Variants in HS2ST1 observed in about 807,000 individuals in gnomAD.
The protein encoded by HS2ST1 is 2-O-sulfotransferase.
Under a neutral mutation model 42.9 loss-of-function variants are expected in HS2ST1, and 18 were observed. The ratio of observed to expected loss-of-function variants is 0.42; its 90% CI spans 0.29 to 0.62. The LOEUF is 0.62. HS2ST1 is among the 20% of genes least tolerant of loss of function. The pLI, the probability that HS2ST1 is intolerant of heterozygous loss-of-function variation, is 0.21. For missense variants in HS2ST1, 334 were observed against 433.8 expected, an observed-to-expected ratio of 0.77 and a Z score of 2.04; for synonymous variants, 146 against 152.9, an observed-to-expected ratio of 0.95 and a Z score of 0.33.
intron 1 of HS2ST1, among the ~76,000 whole-genome samples, chr1:87,008,185 A>C (rs1247743992): frequency 2.6e-5 from 4 of 152,156 alleles, no homozygotes; most frequent in African/African-American, 9.7e-5. Flanking sequence ...ATTAAATCTC[A>C]AGAGAAGCAA....
intron 1 of HS2ST1, among the ~76,000 whole-genome samples, chr1:86,946,512 G>T (rs981697592): frequency 6.6e-6 from 1 of 152,200 alleles, no homozygotes; most frequent in African/African-American, 2.4e-5. Context: ...AGGCTGGCTT[G>T]CCTGAAGTAA....
intron 1 of HS2ST1, among the ~76,000 whole-genome samples, chr1:87,005,512 G>T (rs1350266883): frequency 6.6e-6 from 1 of 152,112 alleles, no homozygotes; most frequent in Non-Finnish European, 1.5e-5. Flanking sequence ...ATAAACATCA[G>T]TGATTTACAT....
At chr1:86,996,510 G>GC in intron 1 of HS2ST1, among the ~76,000 whole-genome samples, 1 of 150,820 alleles carries the variant, frequency 6.6e-6, no homozygotes, top group Admixed American at 6.6e-5. Flanking sequence ...TATTTGTGTT[G>GC]CAGGTACATG....
chr1:87,047,188 C>A (rs1004859226), intron 1 of HS2ST1, among the ~76,000 whole-genome samples: 2 of 151,954 alleles, frequency 1.3e-5, no homozygotes, highest in African/African-American at 4.8e-5. Flanking sequence ...TGTAGTTTTC[C>A]TTTTATTTTC....
intron 5 of HS2ST1, 21 bp downstream of exon 5, chr1:87,097,956 T>C (rs778612511): frequency 1.9e-6 from 3 of 1,613,748 alleles, no homozygotes; most frequent in Non-Finnish European, 1.7e-6. Context: ...TAAAGTTGGC[T>C]CAGATTGATT....
At chr1:86,915,295 A>G (rs1181135381) in intron 1 of HS2ST1, 135 bp downstream of exon 1, 5 of 990,796 alleles carry the variant, frequency 5.0e-6, no homozygotes, top group Non-Finnish European at 7.2e-6. Flanking sequence ...AACCGGGAAC[A>G]AGGGGCAGCG....
At chr1:86,915,614 A>G (rs573648501) in intron 1 of HS2ST1, among the ~76,000 whole-genome samples, 1 of 152,306 alleles carries the variant, frequency 6.6e-6, no homozygotes, top group South Asian at 2.1e-4. Context: ...TTGGGGGCTC[A>G]TGAAGGGATA....
At chr1:86,993,235 A>T (rs1266522488) in intron 1 of HS2ST1, 1 of 1,318,266 alleles carries the variant, frequency 7.6e-7, no homozygotes. Flanking sequence ...GTATGCAACC[A>T]TACTTAGAAA....
At chr1:86,975,688 ATTGT>A (rs1476416452) in intron 1 of HS2ST1, among the ~76,000 whole-genome samples, 2 of 152,332 alleles carry the variant, frequency 1.3e-5, no homozygotes, top group South Asian at 4.1e-4. Context: ...AGTTTAAGGC[ATTGT>A]TTATTTTATA....
chr1:87,109,062 G>A lies in HS2ST1; in HGVS notation c.*4366G>A, dbSNP rs1350452466. On this transcript the variant is annotated 3_prime_UTR_variant, in exon 7 of 7. Transcript: ENST00000370550. ...TCTGTTTCCAACTTGAAACCATTTT[G>A]TCACATCTGTTGGAGAGATAATCAC... is the stretch of plus-strand genomic sequence containing the variant. 1 of 152,132 alleles carries A rather than the reference G, an allele frequency of 6.6e-6. No individual in the cohort carries two copies. Among genetic ancestry groups the A allele is most frequent in the Non-Finnish European group, 1.5e-5 (1 of 67,912 alleles). 9.4% of individuals were successfully genotyped at this position (152,132 alleles called of 1,614,324 possible).
chr1:86,993,349 G>T (rs1056242787), intron 1 of HS2ST1, among the ~76,000 whole-genome samples: 3 of 152,106 alleles, frequency 2.0e-5, no homozygotes, highest in Non-Finnish European at 4.4e-5. Context: ...AAATACAGCA[G>T]TGTTGACTTT....
Position 87,107,632 on chromosome 1 carries a change from A to T in HS2ST1, c.*2936A>T, listed in dbSNP as rs1204161671. On this transcript the variant is annotated 3_prime_UTR_variant, in exon 7 of 7. Coordinates refer to ENST00000370550, the MANE Select transcript of HS2ST1 (RefSeq NM_012262.4). ...AAGATAATGTTATGTGTGTATGTGA[A>T]ATATATATACATATATATATATATG... 1 of 43,690 alleles carries T rather than the reference A, an allele frequency of 2.3e-5. No individual in the cohort carries two copies. Among genetic ancestry groups the T allele is most frequent in the African/African-American group, 8.4e-5 (1 of 11,852 alleles). 2.7% of individuals were successfully genotyped at this position (43,690 alleles called of 1,614,324 possible).
chr1:87,030,904 T>TGG (rs1377627357), intron 1 of HS2ST1, among the ~76,000 whole-genome samples: 1 of 152,176 alleles, frequency 6.6e-6, no homozygotes. Flanking sequence ...TTCTGTAAAC[T>TGG]GAGACTAAGT....
chr1:86,978,452 C>T (rs1002265082), intron 1 of HS2ST1, among the ~76,000 whole-genome samples: 1 of 152,114 alleles, frequency 6.6e-6, no homozygotes, highest in African/African-American at 2.4e-5. Context: ...TTTAAAGAGG[C>T]AGTTTTCTAT....
intron 1 of HS2ST1, among the ~76,000 whole-genome samples, chr1:86,974,656 A>C (rs1489361711): frequency 6.6e-6 from 1 of 152,200 alleles, no homozygotes; most frequent in African/African-American, 2.4e-5. Context: ...TGGGTTCTGC[A>C]CTAACTCTGA....
chr1:86,925,497 T>TGG (rs1660397261), intron 1 of HS2ST1, among the ~76,000 whole-genome samples: 1 of 152,216 alleles, frequency 6.6e-6, no homozygotes. Flanking sequence ...TCTACATGGC[T>TGG]GGGGAAACCT....
chr1:87,080,795 T>G (rs1651666428), intron 2 of HS2ST1, among the ~76,000 whole-genome samples: 1 of 152,240 alleles, frequency 6.6e-6, no homozygotes, highest in South Asian at 2.1e-4. Flanking sequence ...TGCGGGACTT[T>G]GCGTTTGAAT....
chr1:87,013,405 G>A lies in HS2ST1; in HGVS notation c.125-59529G>A, dbSNP rs547358345. 3.9e-5 allele frequency among the ~76,000 whole-genome samples: 6 copies of A among 152,342 alleles called. No individual in the cohort carries two copies. In the East Asian group the frequency reaches 1.2e-3, roughly 29 times the overall value. The stretch of plus-strand genomic sequence containing the variant: ...AAGCCACTGCATGAGCTGTACCTTG[G>A]CCCCTTTTAGCCATGGCTAGGAAGC... On this transcript the variant is annotated intron_variant, in intron 1 of 6. Coordinates refer to ENST00000370550, the MANE Select transcript of HS2ST1 (RefSeq NM_012262.4).
intron 1 of HS2ST1, among the ~76,000 whole-genome samples, chr1:86,953,311 C>T (rs1002721740): frequency 6.6e-6 from 1 of 152,234 alleles, no homozygotes; most frequent in African/African-American, 2.4e-5. Context: ...TCCATTTCAG[C>T]GATAAGGCAG....
Sources: gnomAD v4.1 joint callset for allele counts (sites outside exome capture counted in the v4.1 genomes callset) on GRCh38, gnomAD v4.1.1 for gene constraint, MANE v1.5 for transcripts, NCBI Gene and HGNC (gene_info 2026-07-23, HGNC 2026-07-21) for gene names.